The following SEPTIN9 variants were observed in gnomAD, a reference collection of about 807,000 sequenced individuals.
The protein encoded by SEPTIN9 is septin-9.
SEPTIN9 carries 13 observed loss-of-function variants against 56.6 expected under a neutral mutation model. The observed-to-expected ratio is 0.23, with a 90% CI of 0.15 to 0.37. The LOEUF is 0.37. SEPTIN9 is among the 10% of genes least tolerant of loss of function. The pLI is 1.00. For missense variants in SEPTIN9, 650 were observed against 823.1 expected, an observed-to-expected ratio of 0.79 and a Z score of 2.57; for synonymous variants, 332 against 334.1, an observed-to-expected ratio of 0.99 and a Z score of 0.07.
At position 77,307,912 on chromosome 17, in the gene SEPTIN9, G is replaced by A. The variant is rs148792263; in HGVS notation, c.76+715G>A. On this transcript the variant is annotated intron_variant, in intron 2 of 11. Transcript: ENST00000427177. ...CCTTGCCCCCCAGGGCTGAGTCTGC[G>A]CGTCATCTTCTCCCCACTGGGTGTC... Among the ~76,000 whole-genome samples the A allele has an allele frequency of 2.4e-4, 37 of 152,302 alleles. No homozygotes were observed. The East Asian group carries it at 2.5e-3, about 10-fold the overall frequency.
chr17:77,483,446 C>T (rs533093722), intron 4 of SEPTIN9: 1 of 152,542 alleles, frequency 6.6e-6, no homozygotes, highest in Admixed American at 6.5e-5. Context: ...GGCCCCCACC[C>T]TGTTCTGCCT....
chr17:77,304,917 G>A (rs2032201632), intron 1 of SEPTIN9, among the ~76,000 whole-genome samples: 1 of 152,084 alleles, frequency 6.6e-6, no homozygotes, highest in Admixed American at 6.5e-5. Context: ...GAGGGTCCAG[G>A]CTCACTGTAT....
At chr17:77,485,471 A>G (rs2039738032) in intron 4 of SEPTIN9, among the ~76,000 whole-genome samples, 1 of 150,594 alleles carries the variant, frequency 6.6e-6, no homozygotes, top group Non-Finnish European at 1.5e-5. Flanking sequence ...GAGTGATGGG[A>G]TGATGGTAAT....
rs187723193 is a variant in SEPTIN9 at position 77,493,675 on chromosome 17, A to G, written c.1573+599A>G. 2.6e-4 allele frequency among the ~76,000 whole-genome samples: 39 copies of G among 150,852 alleles called. 1 individual carries two copies. In the East Asian group the frequency reaches 7.2e-3, roughly 28 times the overall value. ...CCTTCTGGTGGCGCCTGGCATTCCT[A>G]GTTGTATTGTAAAGGCATCACATGC... On this transcript the variant is annotated intron_variant, in intron 10 of 11. Coordinates refer to ENST00000427177, the MANE Select transcript of SEPTIN9 (RefSeq NM_001113491.2).
rs1235720803 is a variant in SEPTIN9, at chr17:77,330,840, C to T, written c.76+23643C>T. On this transcript the variant is annotated intron_variant, in intron 2 of 11. Transcript: ENST00000427177. The surrounding 1 kb of genome is among the most constrained non-coding windows in gnomAD (Gnocchi z 4.4). ...TGCACTGTCTCCTTCACTGTCCCTGCCTGGCCCCAGTGCTCATGTGGCTTG... is the reference window on the plus strand; with the variant it reads ...TGCACTGTCTCCTTCACTGTCCCTGTCTGGCCCCAGTGCTCATGTGGCTTG... Among the ~76,000 whole-genome samples, 2 of 152,250 alleles carry T rather than the reference C, an allele frequency of 1.3e-5. No individual in the cohort carries two copies. The highest frequency in any genetic ancestry group is 1.3e-4 in the Admixed American group (2 of 15,290).
At chr17:77,408,161 C>T (rs2036159452) in intron 3 of SEPTIN9, among the ~76,000 whole-genome samples, 3 of 152,198 alleles carry the variant, frequency 2.0e-5, no homozygotes, top group Admixed American at 2.0e-4. Context: ...CCAGCTCTGC[C>T]CCATGAGTCA....
intron 3 of SEPTIN9, chr17:77,469,824 C>T (rs557312561): frequency 2.0e-5 from 3 of 150,572 alleles, no homozygotes; most frequent in East Asian, 3.9e-4. Flanking sequence ...CACCCATCCA[C>T]TCATCCACCT....
At chr17:77,350,746 G>A (rs889497351) in intron 2 of SEPTIN9, among the ~76,000 whole-genome samples, 2 of 152,156 alleles carry the variant, frequency 1.3e-5, no homozygotes, top group Admixed American at 1.3e-4. Flanking sequence ...AGGAGGAAAC[G>A]GGGGCGGGGG....
chr17:77,301,416 G>GTA (rs2032052256), intron 1 of SEPTIN9, among the ~76,000 whole-genome samples: 1 of 151,446 alleles, frequency 6.6e-6, no homozygotes, highest in Middle Eastern at 3.2e-3. Context: ...GTGTGTGTGT[G>GTA]TGTGTGTGTG....
intron 10 of SEPTIN9, among the ~76,000 whole-genome samples, chr17:77,496,050 A>T (rs867467992): frequency 1.8e-4 from 24 of 136,874 alleles, no homozygotes; most frequent in Admixed American, 5.9e-4. Context: ...TTTTTTTGAG[A>T]CGAAGTTTCA....
rs73371464 is a variant in SEPTIN9, at chr17:77,350,767, A to T, written c.76+43570A>T. 7.0e-3 allele frequency among the ~76,000 whole-genome samples: 1,061 copies of T among 152,208 alleles called. 8 individuals are homozygous for T. Among genetic ancestry groups the T allele is most frequent in the African/African-American group, 0.024 (989 of 41,526 alleles). On this transcript the variant is annotated intron_variant, in intron 2 of 11. Transcript: ENST00000427177. ...AAACGGGGGCGGGGGTGAGGGTGGG[A>T]ACAGGAGGTGGGTAGATGCCACGAG...
At chr17:77,481,980 A>G (rs868287117) in intron 3 of SEPTIN9, 164 bp from the exon 4 acceptor site, 3 of 650,300 alleles carry the variant, frequency 4.6e-6, no homozygotes, top group South Asian at 2.0e-5. Flanking sequence ...GGCCAGGGAC[A>G]TCCACCCGGG....
intron 4 of SEPTIN9, among the ~76,000 whole-genome samples, chr17:77,484,598 ATGG>A (rs141454198): frequency 0.54 from 57,618 of 107,300 alleles, 17,240 homozygotes; most frequent in African/African-American, 0.74. Context: ...GGTAATTGTG[ATGG>A]TGGTGGTGAT....
chr17:77,495,133 CTTGAGTA>C (rs755805748), intron 10 of SEPTIN9, among the ~76,000 whole-genome samples: 3 of 152,090 alleles, frequency 2.0e-5, no homozygotes, highest in Non-Finnish European at 4.4e-5. Context: ...GGTGGCCAAC[CTTGAGTA>C]CCGCAGGTGG....
chr17:77,301,448 A>G (rs1045278368), intron 1 of SEPTIN9, among the ~76,000 whole-genome samples: 63 of 149,252 alleles, frequency 4.2e-4, no homozygotes, highest in African/African-American at 1.3e-3. Flanking sequence ...GTTTTGAGAA[A>G]GAGTTTCGCT....
intron 3 of SEPTIN9, chr17:77,470,939 C>T (rs1342621965): frequency 6.6e-6 from 1 of 152,300 alleles, no homozygotes; most frequent in Non-Finnish European, 1.5e-5. Flanking sequence ...GAGGGAGCCA[C>T]ATCCAAGGCA....
rs373831207 is a variant in SEPTIN9 at position 77,499,294 on chromosome 17, C to T, written c.*636C>T. The T allele has an allele frequency of 1.7e-6, 1 of 598,092 alleles. No individual in the cohort carries two copies. The highest frequency in any genetic ancestry group is 3.2e-6 in the Non-Finnish European group (1 of 309,076). 37.0% of individuals were successfully genotyped at this position (598,092 alleles called of 1,614,324 possible). ...CTCCTGGAGCAGAAAGTGCCTTTAT[C>T]TCAGCCATCCGCAGACTGCTTGGCC... On this transcript the variant is annotated 3_prime_UTR_variant, in exon 12 of 12. Coordinates refer to ENST00000427177, the MANE Select transcript of SEPTIN9 (RefSeq NM_001113491.2).
chr17:77,488,632 A>C (rs2039896207), intron 6 of SEPTIN9, 95 bp from the exon 7 acceptor site: 54 of 1,528,664 alleles, frequency 3.5e-5, no homozygotes, highest in Non-Finnish European at 4.7e-5. Flanking sequence ...ATTTCATTGG[A>C]AGGTGGGGTG....
rs536452215 is a variant in SEPTIN9, at chr17:77,475,554, C to T, written c.722-6590C>T. 2.1e-5 allele frequency: 34 copies of T among 1,613,060 alleles called. No individual in the cohort carries two copies. The highest frequency in any genetic ancestry group is 8.0e-5 in the African/African-American group (6 of 75,036). On this transcript the variant is annotated intron_variant, in intron 3 of 11. Coordinates refer to ENST00000427177, the MANE Select transcript of SEPTIN9 (RefSeq NM_001113491.2). The surrounding 1 kb of genome is among the most constrained non-coding windows in gnomAD (Gnocchi z 4.6). The stretch of plus-strand genomic sequence containing the variant: ...GTTTCTGGGAAGGCCTGCAGGTGGC[C>T]GTAGGGCTGCCGCAGGGGTGCTGGC...
Sources: gnomAD v4.1 joint callset for allele counts (sites outside exome capture counted in the v4.1 genomes callset) on GRCh38, gnomAD v4.1.1 for gene constraint, Gnocchi (gnomAD v3.1) non-coding constraint, MANE v1.5 for transcripts, NCBI Gene and HGNC (gene_info 2026-07-23, HGNC 2026-07-21) for gene names.